MSI2: variants seen among roughly 807,000 people sequenced by gnomAD.
MSI2 encodes RNA-binding protein Musashi homolog 2.
Under a neutral mutation model 45.6 loss-of-function variants are expected in MSI2, and 17 were observed. That is an observed-to-expected ratio of 0.37 (90% CI 0.26 to 0.56). MSI2 has a LOEUF of 0.56. Among genes scored for constraint, MSI2 ranks in the 20% least tolerant of loss-of-function variants. The probability of loss-of-function intolerance (pLI) is 0.77; values close to 1 mark genes in which losing one functional copy is unlikely to be tolerated. For synonymous variants in MSI2, 156 were observed against 158.2 expected (o/e 0.99, Z 0.11); for missense variants, 293 against 444.2 (o/e 0.66, Z 3.06).
intron 6 of MSI2, among the ~76,000 whole-genome samples, chr17:57,439,008 G>A (rs2143447503): frequency 6.6e-6 from 1 of 152,200 alleles, no homozygotes; most frequent in South Asian, 2.1e-4. Flanking sequence ...CACCATGTTG[G>A]CCAGGCTGGT....
At chr17:57,549,009 A>C (rs2087241005) in intron 7 of MSI2, among the ~76,000 whole-genome samples, 1 of 150,742 alleles carries the variant, frequency 6.6e-6, no homozygotes, top group African/African-American at 2.4e-5. Flanking sequence ...ATAGACACCA[A>C]ACTTTTGACT....
chr17:57,650,422 T>C (rs1911048339), intron 10 of MSI2, among the ~76,000 whole-genome samples: 1 of 152,186 alleles, frequency 6.6e-6, no homozygotes, highest in Non-Finnish European at 1.5e-5. Context: ...CTTCAGCAAT[T>C]TCTGCCAAGA....
At chr17:57,404,006 C>T (rs1313836938) in intron 6 of MSI2, among the ~76,000 whole-genome samples, 1 of 152,236 alleles carries the variant, frequency 6.6e-6, no homozygotes, top group East Asian at 1.9e-4. Context: ...ACCCCCTGTG[C>T]ACACACATTT....
intron 10 of MSI2, among the ~76,000 whole-genome samples, chr17:57,639,859 C>T (rs765992360): frequency 1.3e-4 from 20 of 152,304 alleles, no homozygotes; most frequent in Middle Eastern, 3.4e-3. Flanking sequence ...TCCCCATCCC[C>T]CTGTGTCTAT....
At chr17:57,460,022 G>A (rs975727695) in intron 6 of MSI2, among the ~76,000 whole-genome samples, 3 of 151,730 alleles carry the variant, frequency 2.0e-5, no homozygotes, top group African/African-American at 4.8e-5. Flanking sequence ...TCAGCTACTC[G>A]GGAGGCTGAG....
Position 57,596,737 on chromosome 17 carries a change from C to T in MSI2, c.455-131C>T, listed in dbSNP as rs1051708141. ...ATTGCCTCCAACCTCAAGGTCCTCC[C>T]AAGGATCCGCCTACCTACCCCCAGA... On this transcript the variant is annotated intron_variant, in intron 7 of 13. Coordinates refer to ENST00000284073, the MANE Select transcript of MSI2 (RefSeq NM_138962.4). The surrounding 1 kb of genome is among the most constrained non-coding windows in gnomAD (Gnocchi z 4.6). 2 of 657,022 alleles carry T rather than the reference C, an allele frequency of 3.0e-6. No homozygotes were observed. The highest frequency in any genetic ancestry group is 5.5e-6 in the Non-Finnish European group (2 of 365,600). 40.7% of individuals were successfully genotyped at this position (657,022 alleles called of 1,614,324 possible). A position where few individuals can be genotyped will look rare whatever the true frequency, so the allele number is the denominator to read the frequency against.
chr17:57,562,753 A>G (rs569785125), intron 7 of MSI2, among the ~76,000 whole-genome samples: 1 of 152,334 alleles, frequency 6.6e-6, no homozygotes, highest in South Asian at 2.1e-4. Context: ...GAATGGAGAG[A>G]TAAGTCTTGG....
At chr17:57,305,562 G>A (rs1011639451) in intron 5 of MSI2, among the ~76,000 whole-genome samples, 5 of 152,200 alleles carry the variant, frequency 3.3e-5, no homozygotes, top group African/African-American at 1.2e-4. Flanking sequence ...TACTGCTGAC[G>A]AGGTTTTAGG....
chr17:57,617,420 A>G (rs1907826161), intron 9 of MSI2, among the ~76,000 whole-genome samples: 1 of 152,212 alleles, frequency 6.6e-6, no homozygotes. Flanking sequence ...CAGTAACTAA[A>G]ACAGTATGGT....
chr17:57,383,595 A>G (rs892471068), intron 5 of MSI2, among the ~76,000 whole-genome samples: 4 of 152,230 alleles, frequency 2.6e-5, no homozygotes, highest in Non-Finnish European at 4.4e-5. Flanking sequence ...CAGGAGGCGG[A>G]GGTTGCAGTG....
At chr17:57,484,750 A>T (rs1371767980) in intron 6 of MSI2, among the ~76,000 whole-genome samples, 1 of 152,070 alleles carries the variant, frequency 6.6e-6, no homozygotes, top group Non-Finnish European at 1.5e-5. Context: ...TGGGCTACTC[A>T]TGGCCTTGGC....
chr17:57,665,810 G>A (rs911349993), intron 11 of MSI2, among the ~76,000 whole-genome samples: 8 of 152,162 alleles, frequency 5.3e-5, no homozygotes, highest in Non-Finnish European at 1.0e-4. Flanking sequence ...GAGTTCTAGC[G>A]AGGGCCCAGG....
intron 5 of MSI2, among the ~76,000 whole-genome samples, chr17:57,281,538 G>A (rs762308236): frequency 2.6e-5 from 4 of 152,186 alleles, no homozygotes; most frequent in Non-Finnish European, 5.9e-5. Context: ...GGTTCTCGGG[G>A]CTAATTCTGT....
At chr17:57,648,776 A>G (rs1468800061) in intron 10 of MSI2, among the ~76,000 whole-genome samples, 1 of 152,126 alleles carries the variant, frequency 6.6e-6, no homozygotes, top group African/African-American at 2.4e-5. Flanking sequence ...TCTTCCCCCA[A>G]GCACTCTCTG....
At chr17:57,505,617 T>C (rs2086210568) in intron 6 of MSI2, among the ~76,000 whole-genome samples, 1 of 152,126 alleles carries the variant, frequency 6.6e-6, no homozygotes, top group Admixed American at 6.5e-5. Context: ...GTGTACAACT[T>C]GGTAGGCTAT....
intron 6 of MSI2, among the ~76,000 whole-genome samples, chr17:57,470,961 C>T (rs537503328): frequency 6.6e-6 from 1 of 151,624 alleles, no homozygotes; most frequent in South Asian, 2.1e-4. Context: ...CTGGAGTGGC[C>T]ACCCCAGGAG....
intron 7 of MSI2, among the ~76,000 whole-genome samples, chr17:57,555,373 A>C (rs996356892): frequency 1.3e-5 from 2 of 151,126 alleles, no homozygotes; most frequent in Admixed American, 6.6e-5. Context: ...GGTCGTGCCA[A>C]GTTTAGTGGC....
chr17:57,555,845 A>C lies in MSI2; in HGVS notation c.454+26121A>C, dbSNP rs2087423333. Among the ~76,000 whole-genome samples, 4 of 152,312 alleles carry C rather than the reference A, an allele frequency of 2.6e-5. No homozygotes were observed. In the South Asian group the frequency reaches 8.3e-4, roughly 32 times the overall value. On this transcript the variant is annotated intron_variant, in intron 7 of 13. Transcript: ENST00000284073. Reference sequence around the variant, plus strand: ...GTGACTTGAGACCTTGGAGGTCCAAAGGTCACACAACTACCTTCCTGGGGC... The same window carrying C: ...GTGACTTGAGACCTTGGAGGTCCAACGGTCACACAACTACCTTCCTGGGGC...
chr17:57,376,709 G>A (rs2083502932), intron 5 of MSI2, among the ~76,000 whole-genome samples: 1 of 152,164 alleles, frequency 6.6e-6, no homozygotes, highest in African/African-American at 2.4e-5. Context: ...CTCAAACTTA[G>A]CCTTTCAGAA....
Sources: allele counts gnomAD v4.1 joint callset (sites outside exome capture counted in the v4.1 genomes callset), GRCh38; gene constraint gnomAD v4.1.1; non-coding constraint Gnocchi (gnomAD v3.1); transcripts MANE v1.5; gene names NCBI Gene and HGNC (gene_info 2026-07-23, HGNC 2026-07-21).